TMEM232: variants seen among roughly 807,000 people sequenced by gnomAD.
The protein encoded by TMEM232 is transmembrane protein 232.
TMEM232 carries 80 observed loss-of-function variants against 78.8 expected under a neutral mutation model. The observed-to-expected ratio is 1.01, with a 90% CI of 0.85 to 1.22. The LOEUF (loss-of-function observed/expected upper bound fraction) is 1.22. TMEM232 is among the 50% of genes most tolerant of loss of function. TMEM232 has a pLI of 0.00. For missense variants in TMEM232, 881 were observed against 742.2 expected, an observed-to-expected ratio of 1.19 and a Z score of -2.17; for synonymous variants, 297 against 254.3, an observed-to-expected ratio of 1.17 and a Z score of -1.60.
chr5:110,434,826 C>T (rs748642977), intron 12 of TMEM232, among the ~76,000 whole-genome samples: 30 of 151,790 alleles, frequency 2.0e-4, no homozygotes, highest in South Asian at 6.2e-4. Flanking sequence ...TGATTCATCA[C>T]ATAAAGAGAA....
chr5:110,680,934 C>G (rs867612630), intron 1 of TMEM232, among the ~76,000 whole-genome samples: 11 of 151,738 alleles, frequency 7.2e-5, no homozygotes, highest in African/African-American at 2.2e-4. Flanking sequence ...AGAGAAGAAT[C>G]TGCAAAGAGA....
At chr5:110,433,494 C>G (rs1758080833) in intron 12 of TMEM232, among the ~76,000 whole-genome samples, 2 of 151,688 alleles carry the variant, frequency 1.3e-5, no homozygotes, top group East Asian at 3.9e-4. Flanking sequence ...GTTTATATTG[C>G]TAAATGCCTA....
intron 10 of TMEM232, among the ~76,000 whole-genome samples, chr5:110,590,426 T>C (rs56746524): frequency 0.019 from 2,836 of 152,208 alleles, 109 homozygotes; most frequent in African/African-American, 0.066. Flanking sequence ...AGATCAGTGG[T>C]ATTACATTCT....
chr5:110,633,166 G>T (rs554415336), intron 5 of TMEM232, among the ~76,000 whole-genome samples: 1 of 152,188 alleles, frequency 6.6e-6, no homozygotes, highest in South Asian at 2.1e-4. Flanking sequence ...AAGAAATAAG[G>T]TCTTTTACAG....
chr5:110,550,205 T>C (rs1400971467), intron 11 of TMEM232, among the ~76,000 whole-genome samples: 1 of 152,192 alleles, frequency 6.6e-6, no homozygotes, highest in Non-Finnish European at 1.5e-5. Flanking sequence ...AATCTGTCAA[T>C]CATACCAAAT....
chr5:110,667,660 A>G (rs975969430), intron 1 of TMEM232: 3 of 174,598 alleles, frequency 1.7e-5, no homozygotes, highest in Non-Finnish European at 3.6e-5. Flanking sequence ...AGGCCATACA[A>G]CCAGACTAAG....
chr5:110,586,130 C>T (rs1365714949), intron 10 of TMEM232, among the ~76,000 whole-genome samples: 2 of 152,038 alleles, frequency 1.3e-5, no homozygotes, highest in African/African-American at 4.8e-5. Flanking sequence ...TTAGAAACCG[C>T]AGTAAAGGCA....
At chr5:110,610,271 G>GGAGGAAGGAAGGA (rs1580352387) in intron 8 of TMEM232, among the ~76,000 whole-genome samples, 2 of 146,400 alleles carry the variant, frequency 1.4e-5, no homozygotes, top group African/African-American at 5.2e-5. Context: ...AGGGAGGAAG[G>GGAGGAAGGAAGGA]TGGGTGGGTG....
At chr5:110,523,990 C>G in intron 12 of TMEM232, among the ~76,000 whole-genome samples, 1 of 122,254 alleles carries the variant, frequency 8.2e-6, no homozygotes, top group Non-Finnish European at 1.8e-5. Context: ...GGGGGCTGGG[C>G]CTGGTGGCTC....
chr5:110,647,975 G>C (rs189450637), intron 2 of TMEM232, among the ~76,000 whole-genome samples: 3 of 151,964 alleles, frequency 2.0e-5, no homozygotes, highest in African/African-American at 4.8e-5. Flanking sequence ...AAATGAATTA[G>C]AAAGTATAAG....
chr5:110,650,158 T>C lies in TMEM232; in HGVS notation c.126-7787A>G, dbSNP rs141484326. Among the ~76,000 whole-genome samples the C allele has an allele frequency of 8.9e-4, 135 of 152,168 alleles. 1 individual carries two copies. The East Asian group carries it at 0.013, about 15-fold the overall frequency. ...TAATATTTATCTTTGTTCATTGTTATGATAACTTTAGTCATAAATTAAAAT... is the reference window on the plus strand; with the variant it reads ...TAATATTTATCTTTGTTCATTGTTACGATAACTTTAGTCATAAATTAAAAT... On this transcript the variant is annotated intron_variant, in intron 2 of 13. Coordinates refer to ENST00000455884, the MANE Select transcript of TMEM232 (RefSeq NM_001039763.4).
intron 12 of TMEM232, among the ~76,000 whole-genome samples, chr5:110,508,930 TTATATATATACACACACACATATATGTG>T (rs1767319093): frequency 1.1e-4 from 15 of 137,876 alleles, no homozygotes; most frequent in African/African-American, 4.0e-4. Context: ...ATATATATAA[TTATATATATACACACACACATATATGTG>T]TATATATGTA....
At chr5:110,673,628 G>A (rs1276223091) in intron 1 of TMEM232, among the ~76,000 whole-genome samples, 1 of 152,208 alleles carries the variant, frequency 6.6e-6, no homozygotes, top group African/African-American at 2.4e-5. Flanking sequence ...CTCCCAGCCT[G>A]TGTGGGGATT....
chr5:110,618,690 T>C, intron 7 of TMEM232, 128 bp from the exon 8 acceptor site: 1 of 1,013,150 alleles, frequency 9.9e-7, no homozygotes, highest in East Asian at 2.7e-5. Flanking sequence ...TTACACTTTA[T>C]ATTTCACCAA....
Position 110,732,663 on chromosome 5 carries a change from C to T in TMEM232, c.-13+2240G>A, listed in dbSNP as rs1580825744. On this transcript the variant is annotated intron_variant, in intron 2 of 4. Coordinates refer to the TMEM232 transcript ENST00000512886. ...CAATTACCTCCCCCTGGGTCCCTCC[C>T]ACAACATGTGTGAATTCTGGGAGAT... Among the ~76,000 whole-genome samples the T allele has an allele frequency of 1.3e-5, 2 of 152,176 alleles. 1 individual carries two copies. The highest frequency in any genetic ancestry group is 1.3e-4 in the Admixed American group (2 of 15,276).
Position 110,499,644 on chromosome 5 carries a change from C to CAT in TMEM232, c.1703+28943_1703+28944insAT, listed in dbSNP as rs1297338271. On this transcript the variant is annotated intron_variant, in intron 12 of 13. Transcript: ENST00000455884. Reference sequence around the variant, plus strand: ...ATGTATACACCCCCCCCCACACACACACATATATATATATATAAAGATAAG... The same window carrying CAT: ...ATGTATACACCCCCCCCCACACACACATACATATATATATATATAAAGATAAG... Among the ~76,000 whole-genome samples, 803 of 147,344 alleles carry CAT rather than the reference C, an allele frequency of 5.4e-3. 13 individuals carry two copies. The highest frequency in any genetic ancestry group is 0.02 in the African/African-American group (741 of 37,770).
In TMEM232 at chr5:110,664,316, T is replaced by C. The variant is rs146795568; in HGVS notation, c.125+2912A>G. Among the ~76,000 whole-genome samples the C allele has an allele frequency of 1.8e-4, 28 of 152,284 alleles. No homozygotes were observed. The East Asian group carries it at 2.5e-3, about 14-fold the overall frequency. ...AATGAAGAATATACATAATTACCAA[T>C]ATGGATTAAAGTTAAAATGTAGCAT... On this transcript the variant is annotated intron_variant, in intron 2 of 13. Transcript: ENST00000455884.
At chr5:110,420,886 T>G in intron 13 of TMEM232, 130 bp from the exon 14 acceptor site, 1 of 1,254,182 alleles carries the variant, frequency 8.0e-7, no homozygotes, top group Non-Finnish European at 1.0e-6. Context: ...CCTCAAAAAT[T>G]TTATATCTAC....
At chr5:110,551,277 G>A (rs1279025289) in intron 11 of TMEM232, among the ~76,000 whole-genome samples, 1 of 152,140 alleles carries the variant, frequency 6.6e-6, no homozygotes, top group African/African-American at 2.4e-5. Flanking sequence ...AGGCTGGAGT[G>A]CAGTGGCCCA....
Sources: gnomAD v4.1 joint callset for allele counts (sites outside exome capture counted in the v4.1 genomes callset) on GRCh38, gnomAD v4.1.1 for gene constraint, MANE v1.5 for transcripts, NCBI Gene and HGNC (gene_info 2026-07-23, HGNC 2026-07-21) for gene names.